The following RBFOX1 variants were observed in gnomAD, a reference collection of about 807,000 sequenced individuals.
RBFOX1 encodes RNA binding fox-1 homolog 1.
In RBFOX1, 8 loss-of-function variants were observed where a neutral mutation model predicts 57.7. The ratio of observed to expected loss-of-function variants is 0.14; its 90% CI spans 0.08 to 0.25. RBFOX1 has a LOEUF of 0.25. RBFOX1 is among the 10% of genes least tolerant of loss of function. The probability of loss-of-function intolerance (pLI) is 1.00; values close to 1 mark genes in which losing one functional copy is unlikely to be tolerated. For synonymous variants in RBFOX1, 326 were observed against 222.4 expected (o/e 1.47, Z -4.15); for missense variants, 611 against 548.5 (o/e 1.11, Z -1.14).
chr16:6,905,201 T>C (rs1328261316), intron 3 of RBFOX1, among the ~76,000 whole-genome samples: 2 of 152,138 alleles, frequency 1.3e-5, no homozygotes, highest in African/African-American at 4.8e-5. Flanking sequence ...TCAATAACAC[T>C]TGTTCCTTAG....
At chr16:7,580,438 A>C (rs1002267658) in intron 6 of RBFOX1, among the ~76,000 whole-genome samples, 5 of 152,124 alleles carry the variant, frequency 3.3e-5, no homozygotes, top group Non-Finnish European at 5.9e-5. Flanking sequence ...CAAACAAAAC[A>C]AAACCACCAC....
At position 6,985,832 on chromosome 16, in the gene RBFOX1, T is replaced by TA. The variant is rs565941451; in HGVS notation, c.-15-66210dup. ...CTGGGCCACAGAGCGTGAGTTCATG[T>TA]AAAAAAAAAAAAAAACAGAATTTTT... On this transcript the variant is annotated intron_variant, in intron 3 of 15. Transcript: ENST00000550418. Among the ~76,000 whole-genome samples, 134 of 99,820 alleles carry TA rather than the reference T, an allele frequency of 1.3e-3. 2 individuals are homozygous for TA. The highest frequency in any genetic ancestry group is 4.7e-3 in the Admixed American group (45 of 9,570). 65.5% of individuals were successfully genotyped at this position (99,820 alleles called of 152,430 possible).
chr16:7,285,466 A>G (rs1205427880), intron 4 of RBFOX1, among the ~76,000 whole-genome samples: 7 of 151,930 alleles, frequency 4.6e-5, no homozygotes, highest in Non-Finnish European at 1.0e-4. Context: ...AGGTCTGTGC[A>G]TCCAACACCA....
chr16:5,551,002 T>G (rs893121575), intron 2 of RBFOX1, among the ~76,000 whole-genome samples: 1 of 152,132 alleles, frequency 6.6e-6, no homozygotes, highest in Non-Finnish European at 1.5e-5. Flanking sequence ...GGCCCATAAC[T>G]CTCTGTAATA....
chr16:6,973,975 T>C (rs2086187620), intron 3 of RBFOX1, among the ~76,000 whole-genome samples: 1 of 152,152 alleles, frequency 6.6e-6, no homozygotes, highest in African/African-American at 2.4e-5. Context: ...CCCCTCCCTG[T>C]GTCCATGTGT....
At chr16:5,514,014 G>C (rs2043698262) in intron 2 of RBFOX1, among the ~76,000 whole-genome samples, 1 of 152,196 alleles carries the variant, frequency 6.6e-6, no homozygotes, top group African/African-American at 2.4e-5. Flanking sequence ...TATTTACCCA[G>C]ATACCTGGTG....
intron 3 of RBFOX1, among the ~76,000 whole-genome samples, chr16:5,613,216 A>G (rs942070569): frequency 1.3e-5 from 2 of 152,228 alleles, no homozygotes; most frequent in African/African-American, 2.4e-5. Flanking sequence ...TTCAGGCTTC[A>G]GAAGAACCTC....
At chr16:6,644,392 C>T (rs1399003345) in intron 2 of RBFOX1, among the ~76,000 whole-genome samples, 1 of 152,188 alleles carries the variant, frequency 6.6e-6, no homozygotes, top group East Asian at 1.9e-4. Flanking sequence ...AACCGTTCTG[C>T]TATAACATTT....
At chr16:5,901,694 C>G (rs868248156) in intron 4 of RBFOX1, among the ~76,000 whole-genome samples, 2 of 152,206 alleles carry the variant, frequency 1.3e-5, no homozygotes, top group Non-Finnish European at 1.5e-5. Context: ...AGTTGGACAT[C>G]CACATCAGAG....
intron 4 of RBFOX1, among the ~76,000 whole-genome samples, chr16:7,335,087 G>C (rs763983014): frequency 3.3e-4 from 50 of 152,280 alleles, no homozygotes; most frequent in Non-Finnish European, 5.4e-4. Context: ...TTGGCATCAA[G>C]TAGCTAAAAT....
At chr16:6,717,188 A>G (rs377253237) in intron 3 of RBFOX1, among the ~76,000 whole-genome samples, 9 of 152,112 alleles carry the variant, frequency 5.9e-5, no homozygotes, top group African/African-American at 2.2e-4. Context: ...TGTTACAGCA[A>G]CTCGACTAAA....
intron 3 of RBFOX1, among the ~76,000 whole-genome samples, chr16:6,842,175 TAAATAAATAAATA>T (rs1017598394): frequency 2.0e-5 from 3 of 151,286 alleles, no homozygotes; most frequent in African/African-American, 4.9e-5. Flanking sequence ...AATAAATAAA[TAAATAAATAAATA>T]AATTGGAACT....
At chr16:5,327,564 G>C (rs1456031979) in intron 1 of RBFOX1, among the ~76,000 whole-genome samples, 1 of 152,114 alleles carries the variant, frequency 6.6e-6, no homozygotes, top group East Asian at 1.9e-4. Context: ...TTAGCCCTCA[G>C]AGAGAAACGC....
intron 3 of RBFOX1, among the ~76,000 whole-genome samples, chr16:5,853,472 G>A (rs756175967): frequency 6.6e-6 from 1 of 152,198 alleles, no homozygotes; most frequent in Admixed American, 6.5e-5. Flanking sequence ...TCGGACACAG[G>A]CCCCAGCCAG....
chr16:5,397,755 A>G (rs151233665), intron 1 of RBFOX1, among the ~76,000 whole-genome samples: 94 of 152,316 alleles, frequency 6.2e-4, no homozygotes, highest in African/African-American at 2.0e-3. Context: ...TATTCTGGAG[A>G]CCTGAAGTCA....
chr16:5,550,794 T>C (rs1256196464), intron 2 of RBFOX1, among the ~76,000 whole-genome samples: 2 of 152,226 alleles, frequency 1.3e-5, no homozygotes, highest in Admixed American at 1.3e-4. Flanking sequence ...TAACAATTCA[T>C]GCTTTCATTT....
intron 1 of RBFOX1, among the ~76,000 whole-genome samples, chr16:6,186,202 G>A (rs2097104118): frequency 6.6e-6 from 1 of 152,030 alleles, no homozygotes; most frequent in Non-Finnish European, 1.5e-5. Context: ...TTAACTCCTG[G>A]GTTCGTCATC....
intron 2 of RBFOX1, among the ~76,000 whole-genome samples, chr16:6,401,233 C>T (rs996872271): frequency 1.3e-5 from 2 of 152,152 alleles, no homozygotes; most frequent in African/African-American, 2.4e-5. Flanking sequence ...CTTCAAGTAC[C>T]ATCCACTGGC....
intron 2 of RBFOX1, among the ~76,000 whole-genome samples, chr16:6,552,103 G>A (rs1407392427): frequency 6.6e-6 from 1 of 152,112 alleles, no homozygotes; most frequent in South Asian, 2.1e-4. Context: ...ATGACCTACT[G>A]CTTCCTGCTG....
Sources: gnomAD v4.1 joint callset for allele counts (sites outside exome capture counted in the v4.1 genomes callset) on GRCh38, gnomAD v4.1.1 for gene constraint, MANE v1.5 for transcripts, NCBI Gene and HGNC (gene_info 2026-07-23, HGNC 2026-07-21) for gene names.